Variants in SHISA9 observed in about 807,000 individuals in gnomAD.
SHISA9 encodes protein shisa-9.
SHISA9 carries 13 observed loss-of-function variants against 38.0 expected under a neutral mutation model. The observed-to-expected ratio is 0.34, with a 90% CI of 0.22 to 0.54. The LOEUF (loss-of-function observed/expected upper bound fraction) is 0.54. Ranked by LOEUF, SHISA9 falls within the 20% of genes least tolerant of loss-of-function variation. The probability of loss-of-function intolerance (pLI) is 0.91; values close to 1 mark genes in which losing one functional copy is unlikely to be tolerated. For synonymous variants in SHISA9, 275 were observed against 242.0 expected (o/e 1.14, Z -1.27); for missense variants, 538 against 575.8 (o/e 0.93, Z 0.67).
At chr16:13,210,811 G>A (rs2051111813) in intron 3 of SHISA9, among the ~76,000 whole-genome samples, 1 of 152,204 alleles carries the variant, frequency 6.6e-6, no homozygotes, top group Admixed American at 6.5e-5. Context: ...AAATGGCAGA[G>A]CCAAGTCTCA....
chr16:13,550,125 G>A, the SHISA9 span, among the ~76,000 whole-genome samples: 2 of 152,096 alleles, frequency 1.3e-5, no homozygotes, highest in African/African-American at 4.8e-5. Flanking sequence ...GGGAACTACA[G>A]CAAGTGCAAA....
At chr16:13,379,847 C>T in the SHISA9 span, among the ~76,000 whole-genome samples, 4 of 152,102 alleles carry the variant, frequency 2.6e-5, no homozygotes, top group African/African-American at 9.6e-5. Context: ...TAAAATACCG[C>T]CTTAATTAAT....
At chr16:12,928,617 G>A (rs112685989) in intron 2 of SHISA9, among the ~76,000 whole-genome samples, 3 of 152,104 alleles carry the variant, frequency 2.0e-5, no homozygotes, top group Non-Finnish European at 4.4e-5. Context: ...TAGTTTTGAT[G>A]CCTCACCTAC....
At chr16:13,068,079 G>A (rs1035278223) in intron 2 of SHISA9, among the ~76,000 whole-genome samples, 5 of 152,212 alleles carry the variant, frequency 3.3e-5, no homozygotes, top group African/African-American at 1.2e-4. Context: ...CATATGCTCT[G>A]AGATCAGGCT....
chr16:12,953,351 A>G (rs548009893), intron 2 of SHISA9, among the ~76,000 whole-genome samples: 1 of 152,158 alleles, frequency 6.6e-6, no homozygotes, highest in Non-Finnish European at 1.5e-5. Flanking sequence ...TGACAATGCA[A>G]TGTGGAACTA....
At chr16:13,529,712 A>G in the SHISA9 span, among the ~76,000 whole-genome samples, 1 of 152,318 alleles carries the variant, frequency 6.6e-6, no homozygotes, top group East Asian at 1.9e-4. Flanking sequence ...TGTTAAACAG[A>G]AAAAACAACA....
At chr16:13,113,392 T>C (rs2073999369) in intron 2 of SHISA9, among the ~76,000 whole-genome samples, 3 of 152,150 alleles carry the variant, frequency 2.0e-5, no homozygotes, top group South Asian at 4.2e-4. Flanking sequence ...TCAGGGTTAG[T>C]GTTAGAGAGA....
At chr16:13,023,192 CTG>C (rs2072878510) in intron 2 of SHISA9, among the ~76,000 whole-genome samples, 1 of 151,930 alleles carries the variant, frequency 6.6e-6, no homozygotes, top group South Asian at 2.1e-4. Context: ...GCAACAGGCC[CTG>C]GTGTGTGATG....
intron 1 of SHISA9, 29 bp from the exon 2 acceptor site, chr16:12,916,659 G>A: frequency 1.9e-6 from 3 of 1,543,682 alleles, no homozygotes; most frequent in Non-Finnish European, 1.7e-6. Context: ...TGTTTTGAAT[G>A]AACAGATTTA....
chr16:13,221,824 C>A (rs559270210), intron 4 of SHISA9, among the ~76,000 whole-genome samples: 1 of 152,186 alleles, frequency 6.6e-6, no homozygotes. Context: ...CAGCTAACCC[C>A]TGGTTCAAGC....
chr16:13,340,060 T>C, the SHISA9 span, among the ~76,000 whole-genome samples: 1 of 152,182 alleles, frequency 6.6e-6, no homozygotes. Flanking sequence ...TTAGATTTAG[T>C]CATTCCTGAT....
intron 1 of SHISA9, chr16:12,909,498 G>T (rs1327314736): frequency 1.0e-6 from 1 of 985,382 alleles, no homozygotes; most frequent in Non-Finnish European, 1.2e-6. Flanking sequence ...AAATATTGGT[G>T]TCATATATTT....
At chr16:12,968,189 CAAAAAAAAAAAAAAAAAAAAAA>C (rs200194973) in intron 2 of SHISA9, among the ~76,000 whole-genome samples, 33,645 of 82,426 alleles carry the variant, frequency 0.41, 5,029 homozygotes, top group East Asian at 0.57. Context: ...GGCTCCATCT[CAAAAAAAAAAAAAAAAAAAAAA>C]AAAAAAAAAA....
chr16:13,192,672 G>A (rs1323853428), intron 2 of SHISA9, among the ~76,000 whole-genome samples: 3 of 152,098 alleles, frequency 2.0e-5, no homozygotes, highest in East Asian at 1.9e-4. Flanking sequence ...TCAGGAGATC[G>A]AGACCATCCT....
chr16:13,274,217 C>T, the SHISA9 span, among the ~76,000 whole-genome samples: 3 of 152,112 alleles, frequency 2.0e-5, no homozygotes, highest in African/African-American at 7.2e-5. Flanking sequence ...ATGGATAGGC[C>T]ATCATCTTGA....
chr16:12,954,449 T>C (rs1342994975), intron 2 of SHISA9, among the ~76,000 whole-genome samples: 2 of 152,176 alleles, frequency 1.3e-5, no homozygotes, highest in African/African-American at 4.8e-5. Flanking sequence ...GGGAATCATG[T>C]GCATGTGGTT....
chr16:13,018,291 A>G (rs2072781373), intron 2 of SHISA9, among the ~76,000 whole-genome samples: 1 of 152,226 alleles, frequency 6.6e-6, no homozygotes. Flanking sequence ...AAATCTAGCA[A>G]GAGGGATCTG....
At chr16:13,528,412 CA>C in the SHISA9 span, among the ~76,000 whole-genome samples, 5,692 of 141,960 alleles carry the variant, frequency 0.04, 151 homozygotes, top group Non-Finnish European at 0.057. Context: ...ACTTGGAGTT[CA>C]AAAAAAAAAA....
the SHISA9 span, among the ~76,000 whole-genome samples, chr16:13,391,583 G>A: frequency 6.6e-6 from 1 of 152,164 alleles, no homozygotes; most frequent in Non-Finnish European, 1.5e-5. Flanking sequence ...CAAGCCAGTG[G>A]TTCTAGACCT....
Sources: gnomAD v4.1 joint callset for allele counts (sites outside exome capture counted in the v4.1 genomes callset) on GRCh38, gnomAD v4.1.1 for gene constraint, MANE v1.5 for transcripts, NCBI Gene and HGNC (gene_info 2026-07-23, HGNC 2026-07-21) for gene names.